The following MAGI2 variants were observed in gnomAD, a reference collection of about 807,000 sequenced individuals.
MAGI2 encodes the protein membrane associated guanylate kinase, WW and PDZ domain containing 2, also known as membrane-associated guanylate kinase, WW and PDZ domain-containing protein 2.
In MAGI2, 35 loss-of-function variants were observed where a neutral mutation model predicts 133.3. The ratio of observed to expected loss-of-function variants is 0.26; its 90% CI spans 0.20 to 0.35. The LOEUF is 0.35. Among genes scored for constraint, MAGI2 ranks in the 10% least tolerant of loss-of-function variants. The probability of loss-of-function intolerance (pLI) is 1.00; values close to 1 mark genes in which losing one functional copy is unlikely to be tolerated. For synonymous variants in MAGI2, 729 were observed against 710.6 expected (o/e 1.03, Z -0.41); for missense variants, 1,636 against 1,863.4 (o/e 0.88, Z 2.25).
intron 2 of MAGI2, among the ~76,000 whole-genome samples, chr7:78,657,027 C>T (rs1812371957): frequency 6.9e-6 from 1 of 145,442 alleles, no homozygotes; most frequent in Admixed American, 6.8e-5. Context: ...AACACATTAA[C>T]AGATACCTCT....
At chr7:78,302,686 TGAAAGGC>T (rs1185186216) in intron 9 of MAGI2, among the ~76,000 whole-genome samples, 1 of 152,152 alleles carries the variant, frequency 6.6e-6, no homozygotes, top group Non-Finnish European at 1.5e-5. Context: ...GCCCTAGACA[TGAAAGGC>T]AAAAGGCCCT....
rs1801846565 is a variant in MAGI2, at chr7:78,573,284, T to TTATATAAATATATATATATATATAAA, written c.539-51640_539-51639insTTTATATATATATATATATTTATATA. On this transcript the variant is annotated intron_variant, in intron 3 of 21. Transcript: ENST00000354212. ...TATAAATATATATAAATATATATATTTATATAAATATATATATTTATATAT... is the reference window on the plus strand; with the variant it reads ...TATAAATATATATAAATATATATATTTATATAAATATATATATATATATAAATATATAAATATATATATTTATATAT... 8.2e-4 allele frequency among the ~76,000 whole-genome samples: 22 copies of TTATATAAATATATATATATATATAAA among 26,864 alleles called. 1 individual carries two copies. The highest frequency in any genetic ancestry group is 1.2e-3 in the Non-Finnish European group (21 of 17,230). 17.6% of individuals were successfully genotyped at this position (26,864 alleles called of 152,430 possible).
intron 2 of MAGI2, among the ~76,000 whole-genome samples, chr7:78,636,749 G>C (rs1374837205): frequency 2.6e-5 from 4 of 152,130 alleles, no homozygotes; most frequent in African/African-American, 4.8e-5. Context: ...AGTGAGTCGA[G>C]ATCGTGCCAC....
chr7:79,267,711 T>C (rs1362166013), intron 1 of MAGI2, among the ~76,000 whole-genome samples: 1 of 152,082 alleles, frequency 6.6e-6, no homozygotes, highest in East Asian at 1.9e-4. Flanking sequence ...AATAGACAGA[T>C]AGAAGGAGAA....
intron 2 of MAGI2, chr7:78,946,775 G>A (rs1256664657): frequency 6.6e-6 from 1 of 152,062 alleles, no homozygotes; most frequent in Non-Finnish European, 1.5e-5. Flanking sequence ...TATTTGACTT[G>A]TAATTCATCT....
At chr7:78,093,518 A>G (rs997060893) in intron 20 of MAGI2, among the ~76,000 whole-genome samples, 1 of 152,194 alleles carries the variant, frequency 6.6e-6, no homozygotes, top group Non-Finnish European at 1.5e-5. Flanking sequence ...ACATATGTAG[A>G]ATATTTGGTG....
chr7:78,459,859 G>A lies in MAGI2; in HGVS notation c.1045+29902C>T, dbSNP rs189360952. Among the ~76,000 whole-genome samples, 48 of 152,316 alleles carry A rather than the reference G, an allele frequency of 3.2e-4. 1 individual carries two copies. The East Asian group carries it at 5.2e-3, about 17-fold the overall frequency. On this transcript the variant is annotated intron_variant, in intron 6 of 21. Transcript: ENST00000354212. ...TATTTAAGCTGACAAGAAAAACATA[G>A]AAGTACCTCTAAACCAAATCAGTGT... is the stretch of plus-strand genomic sequence containing the variant.
intron 1 of MAGI2, among the ~76,000 whole-genome samples, chr7:79,129,483 A>G (rs1172576185): frequency 1.3e-5 from 2 of 152,230 alleles, no homozygotes; most frequent in Admixed American, 6.5e-5. Context: ...TTTCAGGATT[A>G]TTAAATCCAT....
intron 2 of MAGI2, among the ~76,000 whole-genome samples, chr7:78,947,412 A>G (rs1801507311): frequency 6.6e-6 from 1 of 152,138 alleles, no homozygotes; most frequent in African/African-American, 2.4e-5. Context: ...CTTGAGATTG[A>G]AACAAAGGAA....
At chr7:79,186,303 C>T (rs1038839110) in intron 1 of MAGI2, among the ~76,000 whole-genome samples, 15 of 145,666 alleles carry the variant, frequency 1.0e-4, no homozygotes, top group African/African-American at 2.3e-4. Flanking sequence ...GTTTAATGAG[C>T]GACCATGCAC....
intron 1 of MAGI2, among the ~76,000 whole-genome samples, chr7:79,380,502 T>C (rs1404359981): frequency 1.3e-5 from 2 of 151,772 alleles, no homozygotes; most frequent in Admixed American, 6.6e-5. Flanking sequence ...GAATTCAACA[T>C]GTAACACCTC....
At chr7:79,341,417 C>A (rs1164704766) in intron 1 of MAGI2, among the ~76,000 whole-genome samples, 2 of 151,718 alleles carry the variant, frequency 1.3e-5, no homozygotes, top group African/African-American at 4.9e-5. Flanking sequence ...AAAACAGCAC[C>A]CTTAAGCAAG....
intron 2 of MAGI2, chr7:78,940,856 C>T (rs2151678595): frequency 6.6e-6 from 1 of 152,286 alleles, no homozygotes. Context: ...GTGCCTTAAC[C>T]AGAAGTCAGC....
intron 6 of MAGI2, among the ~76,000 whole-genome samples, chr7:78,451,989 C>G (rs1431855697): frequency 6.6e-6 from 1 of 151,996 alleles, no homozygotes; most frequent in Non-Finnish European, 1.5e-5. Flanking sequence ...TCAAGGTTTC[C>G]TTTATTTCCA....
At chr7:78,987,031 C>A (rs1159337319) in intron 2 of MAGI2, among the ~76,000 whole-genome samples, 2 of 151,868 alleles carry the variant, frequency 1.3e-5, no homozygotes, top group African/African-American at 4.8e-5. Flanking sequence ...AAGCAGCAGC[C>A]CCCAAATTAA....
chr7:78,083,390 GAGAGAGAGAGAGAGAGAGAGAGAGAGA>G (rs1816245987), intron 20 of MAGI2, among the ~76,000 whole-genome samples: 7 of 17,190 alleles, frequency 4.1e-4, no homozygotes, highest in African/African-American at 1.2e-3. Flanking sequence ...GAGGGGGGGA[GAGAGAGAGAGAGAGAGAGAGAGAGAGA>G]GAGAGAGAGA....
intron 1 of MAGI2, among the ~76,000 whole-genome samples, chr7:79,069,047 G>C (rs1814677362): frequency 6.6e-6 from 1 of 151,742 alleles, no homozygotes; most frequent in African/African-American, 2.4e-5. Flanking sequence ...GTGTGGTGTG[G>C]TGTAGTGCTG....
At chr7:79,032,031 T>C (rs547135860) in intron 1 of MAGI2, among the ~76,000 whole-genome samples, 1 of 152,284 alleles carries the variant, frequency 6.6e-6, no homozygotes, top group South Asian at 2.1e-4. Context: ...GGCACCAACT[T>C]AATATATAAT....
At chr7:79,268,569 T>C (rs1258691520) in intron 1 of MAGI2, among the ~76,000 whole-genome samples, 1 of 152,226 alleles carries the variant, frequency 6.6e-6, no homozygotes, top group African/African-American at 2.4e-5. Flanking sequence ...GAATGTGACA[T>C]TAAATGATTT....
Sources: gnomAD v4.1 joint callset for allele counts (sites outside exome capture counted in the v4.1 genomes callset) on GRCh38, gnomAD v4.1.1 for gene constraint, MANE v1.5 for transcripts, NCBI Gene and HGNC (gene_info 2026-07-23, HGNC 2026-07-21) for gene names.